The following PBX1 variants were observed in gnomAD, a reference collection of about 807,000 sequenced individuals.
PBX1 encodes pre-B-cell leukemia transcription factor 1.
A neutral mutation model predicts 53.4 loss-of-function variants in PBX1; 6 were observed. The ratio of observed to expected loss-of-function variants is 0.11; its 90% CI spans 0.06 to 0.22. The LOEUF (loss-of-function observed/expected upper bound fraction) is 0.22, where lower values mean the gene tolerates loss of function less well. PBX1 is among the 10% of genes least tolerant of loss of function. The pLI is 1.00. For synonymous variants in PBX1, 204 were observed against 212.3 expected (o/e 0.96, Z 0.34); for missense variants, 251 against 551.4 (o/e 0.46, Z 5.46).
intron 2 of PBX1, among the ~76,000 whole-genome samples, chr1:164,608,117 G>A (rs1419966390): frequency 6.6e-6 from 1 of 152,190 alleles, no homozygotes; most frequent in Non-Finnish European, 1.5e-5. Context: ...TCTGATTAGT[G>A]ATTTCAGGAT....
chr1:164,647,833 G>C (rs1396674395), intron 2 of PBX1, among the ~76,000 whole-genome samples: 1 of 99,186 alleles, frequency 1.0e-5, no homozygotes, highest in African/African-American at 3.8e-5. Flanking sequence ...TTTTTTTTTT[G>C]AGACAGAGTC....
intron 2 of PBX1, among the ~76,000 whole-genome samples, chr1:164,749,459 C>T (rs1056906348): frequency 6.6e-6 from 1 of 152,100 alleles, no homozygotes; most frequent in African/African-American, 2.4e-5. Context: ...GAAAATGATA[C>T]ATTTTTGTTT....
At position 164,571,588 on chromosome 1, in the gene PBX1, C is replaced by T. The variant is rs1031314884; in HGVS notation, c.265+8277C>T. On this transcript the variant is annotated intron_variant, in intron 2 of 8. Transcript: ENST00000420696. ...TACCACATTTTGCTTATTCATTATT[C>T]AGTTGCTACAGTAACTTAAGGAATG... Among the ~76,000 whole-genome samples the T allele has an allele frequency of 1.6e-4, 20 of 126,158 alleles. 1 individual carries two copies. The highest frequency in any genetic ancestry group is 7.2e-4 in the South Asian group (3 of 4,152). The allele number at this position is 126,158 out of a possible 152,430, so 82.8% of individuals were successfully genotyped here.
At chr1:164,750,163 TG>T in intron 2 of PBX1, among the ~76,000 whole-genome samples, 1 of 151,254 alleles carries the variant, frequency 6.6e-6, no homozygotes, top group Non-Finnish European at 1.5e-5. Flanking sequence ...TGTGTGTGTG[TG>T]TGTGTGTGTG....
intron 8 of PBX1, among the ~76,000 whole-genome samples, chr1:164,840,247 A>C (rs1671228326): frequency 6.6e-6 from 1 of 152,226 alleles, no homozygotes; most frequent in South Asian, 2.1e-4. Context: ...ATGGTACCAA[A>C]CTAGGCCAGA....
At chr1:164,778,426 T>C (rs1571389803) in intron 2 of PBX1, among the ~76,000 whole-genome samples, 1 of 152,094 alleles carries the variant, frequency 6.6e-6, no homozygotes, top group East Asian at 1.9e-4. Flanking sequence ...GGAGGATCAC[T>C]TGAGCTCAGG....
At chr1:164,607,249 G>A (rs971050541) in intron 2 of PBX1, among the ~76,000 whole-genome samples, 2 of 152,186 alleles carry the variant, frequency 1.3e-5, no homozygotes, top group Non-Finnish European at 2.9e-5. Context: ...CTCTGTGGAG[G>A]ATGGATTAAA....
At chr1:164,858,498 C>G (rs1407345560) in intron 2 of PBX1, among the ~76,000 whole-genome samples, 1 of 151,864 alleles carries the variant, frequency 6.6e-6, no homozygotes, top group East Asian at 1.9e-4. Context: ...GACAGCAAAT[C>G]TGAGTTTCTG....
intron 2 of PBX1, among the ~76,000 whole-genome samples, chr1:164,877,341 G>A (rs1672538149): frequency 6.6e-6 from 1 of 152,012 alleles, no homozygotes; most frequent in Admixed American, 6.5e-5. Flanking sequence ...TAAACCCTTT[G>A]TTTAATGTGC....
At chr1:164,771,490 T>A (rs906690206) in intron 2 of PBX1, 4 of 151,996 alleles carry the variant, frequency 2.6e-5, no homozygotes, top group Non-Finnish European at 5.9e-5. Flanking sequence ...CATTTGTTTG[T>A]CTGGAATGCA....
At chr1:164,785,923 G>C (rs1240087313) in intron 2 of PBX1, among the ~76,000 whole-genome samples, 1 of 152,214 alleles carries the variant, frequency 6.6e-6, no homozygotes, top group Non-Finnish European at 1.5e-5. Context: ...ACCAGGCTGG[G>C]TCCAGGAAGC....
intron 2 of PBX1, among the ~76,000 whole-genome samples, chr1:164,635,156 T>A (rs934137645): frequency 1.3e-5 from 2 of 152,146 alleles, no homozygotes; most frequent in African/African-American, 4.8e-5. Flanking sequence ...AATTTATTAA[T>A]CACTGAATAT....
intron 2 of PBX1, among the ~76,000 whole-genome samples, chr1:164,668,667 C>G (rs1660949469): frequency 6.6e-6 from 1 of 152,182 alleles, no homozygotes; most frequent in Admixed American, 6.5e-5. Context: ...CTTACCTTCC[C>G]CAGGCGCAGC....
chr1:164,858,321 G>A (rs1672020590), intron 2 of PBX1, among the ~76,000 whole-genome samples: 2 of 152,230 alleles, frequency 1.3e-5, no homozygotes, highest in South Asian at 2.1e-4. Context: ...CCTCAGGTTT[G>A]TAAAAATGTC....
intron 4 of PBX1, among the ~76,000 whole-genome samples, chr1:164,807,268 C>T (rs942044341): frequency 2.0e-5 from 3 of 152,084 alleles, no homozygotes; most frequent in Admixed American, 2.0e-4. Context: ...AAAAAACAAA[C>T]CAAGATGGCC....
chr1:164,598,840 G>C (rs1203797569), intron 2 of PBX1, among the ~76,000 whole-genome samples: 1 of 152,082 alleles, frequency 6.6e-6, no homozygotes, highest in East Asian at 1.9e-4. Context: ...GATTAGATTT[G>C]ACCTTTAAAA....
chr1:164,769,746 T>G (rs1358982763), intron 2 of PBX1: 1 of 152,216 alleles, frequency 6.6e-6, no homozygotes, highest in African/African-American at 2.4e-5. Context: ...GGAACTTGGT[T>G]CCAGTCACTT....
chr1:164,664,157 T>C (rs997416520), intron 2 of PBX1, among the ~76,000 whole-genome samples: 4 of 152,226 alleles, frequency 2.6e-5, no homozygotes, highest in African/African-American at 9.6e-5. Flanking sequence ...ACAGGTTAAC[T>C]GAGGTCATGG....
intron 2 of PBX1, among the ~76,000 whole-genome samples, chr1:164,635,632 T>C (rs557157374): frequency 6.6e-6 from 1 of 152,336 alleles, no homozygotes; most frequent in Admixed American, 6.5e-5. Context: ...AGCCTCGCCA[T>C]ATATCACCCT....
Sources: allele counts gnomAD v4.1 joint callset (sites outside exome capture counted in the v4.1 genomes callset), GRCh38; gene constraint gnomAD v4.1.1; transcripts MANE v1.5; gene names NCBI Gene and HGNC (gene_info 2026-07-23, HGNC 2026-07-21).